Variants in SH3RF3 observed in about 807,000 individuals in gnomAD.
SH3RF3 encodes the protein SH3 domain containing ring finger 3, also known as E3 ubiquitin-protein ligase SH3RF3.
Under a neutral mutation model 66.3 loss-of-function variants are expected in SH3RF3, and 29 were observed. That is an observed-to-expected ratio of 0.44 (90% CI 0.33 to 0.60). The LOEUF (loss-of-function observed/expected upper bound fraction) is 0.60. SH3RF3 is among the 20% of genes least tolerant of loss of function. The probability of loss-of-function intolerance (pLI) is 0.04; values close to 1 mark genes in which losing one functional copy is unlikely to be tolerated. For synonymous variants in SH3RF3, 583 were observed against 532.0 expected (o/e 1.10, Z -1.32); for missense variants, 1,194 against 1,190.9 (o/e 1.00, Z -0.04).
chr2:109,233,635 A>G (rs568168144), intron 1 of SH3RF3, among the ~76,000 whole-genome samples: 13 of 152,244 alleles, frequency 8.5e-5, no homozygotes, highest in African/African-American at 2.9e-4. Flanking sequence ...ACCCTCTTCT[A>G]CCCAGTATTT....
intron 3 of SH3RF3, among the ~76,000 whole-genome samples, chr2:109,381,619 G>A (rs1675674157): frequency 6.6e-6 from 1 of 151,848 alleles, no homozygotes; most frequent in Admixed American, 6.6e-5. Context: ...AGTAAGTTAG[G>A]CTGTGGCTCG....
intron 1 of SH3RF3, among the ~76,000 whole-genome samples, chr2:109,240,250 A>C (rs1679746250): frequency 6.6e-6 from 1 of 152,218 alleles, no homozygotes; most frequent in Non-Finnish European, 1.5e-5. Flanking sequence ...CTATAATTTC[A>C]GCACTTTGGG....
chr2:109,281,913 T>C (rs1680902462), intron 1 of SH3RF3, among the ~76,000 whole-genome samples: 1 of 152,094 alleles, frequency 6.6e-6, no homozygotes, highest in African/African-American at 2.4e-5. Flanking sequence ...GATGGCCATG[T>C]GGCAGGAGCT....
chr2:109,220,501 G>A (rs1309107306), intron 1 of SH3RF3, among the ~76,000 whole-genome samples: 1 of 152,070 alleles, frequency 6.6e-6, no homozygotes, highest in Non-Finnish European at 1.5e-5. Context: ...CCTAAAGAAT[G>A]GGAGAAAATA....
intron 5 of SH3RF3, among the ~76,000 whole-genome samples, chr2:109,420,099 G>A (rs545773938): frequency 2.0e-5 from 3 of 152,368 alleles, no homozygotes; most frequent in African/African-American, 4.8e-5. Flanking sequence ...GCGCATGCCA[G>A]CTGCATCTCA....
intron 1 of SH3RF3, among the ~76,000 whole-genome samples, chr2:109,238,024 G>C (rs57038644): frequency 6.6e-6 from 1 of 151,994 alleles, no homozygotes; most frequent in Non-Finnish European, 1.5e-5. Flanking sequence ...TGGGAAACAT[G>C]ATGAGGCCCC....
At chr2:109,319,397 G>A (rs960287629) in intron 1 of SH3RF3, among the ~76,000 whole-genome samples, 3 of 152,200 alleles carry the variant, frequency 2.0e-5, no homozygotes, top group African/African-American at 7.2e-5. Flanking sequence ...GTGGGGTCCC[G>A]GGGATCACCC....
At chr2:109,277,349 T>C (rs1291999753) in intron 1 of SH3RF3, among the ~76,000 whole-genome samples, 1 of 152,196 alleles carries the variant, frequency 6.6e-6, no homozygotes, top group African/African-American at 2.4e-5. Flanking sequence ...ATTTTCTCAG[T>C]GTCATTTCAT....
At chr2:109,482,540 TG>T (rs1314527615) in intron 8 of SH3RF3, among the ~76,000 whole-genome samples, 1 of 152,168 alleles carries the variant, frequency 6.6e-6, no homozygotes, top group East Asian at 1.9e-4. Flanking sequence ...GTGGTGAACT[TG>T]GCCGGTCATC....
intron 1 of SH3RF3, among the ~76,000 whole-genome samples, chr2:109,336,400 C>T (rs900558711): frequency 6.6e-6 from 1 of 152,216 alleles, no homozygotes; most frequent in South Asian, 2.1e-4. Context: ...GATTGACTCA[C>T]TAGCATGCAA....
intron 1 of SH3RF3, among the ~76,000 whole-genome samples, chr2:109,233,050 C>T (rs1273134039): frequency 6.6e-6 from 1 of 152,150 alleles, no homozygotes. Flanking sequence ...TGAGTGGGTG[C>T]TGGGGCCGGA....
intron 2 of SH3RF3, among the ~76,000 whole-genome samples, chr2:109,348,184 C>T (rs56716085): frequency 0.28 from 42,599 of 152,150 alleles, 6,612 homozygotes; most frequent in East Asian, 0.58. Context: ...AGCTCCAGCC[C>T]AGAGCTACAT....
chr2:109,384,594 G>A (rs1396829854), intron 3 of SH3RF3, among the ~76,000 whole-genome samples: 4 of 152,178 alleles, frequency 2.6e-5, no homozygotes, highest in African/African-American at 9.6e-5. Flanking sequence ...TTTGGGTCTG[G>A]GGTCTCTCTT....
chr2:109,358,086 C>A (rs576439161), intron 2 of SH3RF3, among the ~76,000 whole-genome samples: 1 of 152,308 alleles, frequency 6.6e-6, no homozygotes, highest in Admixed American at 6.5e-5. Flanking sequence ...AACCACTGAC[C>A]TTTGTACTGT....
intron 1 of SH3RF3, among the ~76,000 whole-genome samples, chr2:109,222,886 C>T (rs1352016133): frequency 6.6e-6 from 1 of 152,252 alleles, no homozygotes; most frequent in Non-Finnish European, 1.5e-5. Context: ...CCAAGGTGTC[C>T]GCGTGTATCC....
chr2:109,230,414 T>TA (rs200756506), intron 1 of SH3RF3, among the ~76,000 whole-genome samples: 5,413 of 151,504 alleles, frequency 0.036, 152 homozygotes, highest in East Asian at 0.13. Flanking sequence ...CCATCTTTAC[T>TA]AAAAAAAATG....
At chr2:109,152,701 T>C (rs1422891323) in intron 1 of SH3RF3, among the ~76,000 whole-genome samples, 1 of 152,224 alleles carries the variant, frequency 6.6e-6, no homozygotes, top group Admixed American at 6.5e-5. Flanking sequence ...CAGCTCATCA[T>C]TGGAAATTCA....
intron 1 of SH3RF3, among the ~76,000 whole-genome samples, chr2:109,318,620 T>C (rs538316794): frequency 2.6e-5 from 4 of 152,296 alleles, no homozygotes; most frequent in East Asian, 1.9e-4. Flanking sequence ...ATGCTCACAC[T>C]GGGGGCAGCA....
chr2:109,185,811 G>A (rs1244946353), intron 1 of SH3RF3, among the ~76,000 whole-genome samples: 1 of 152,240 alleles, frequency 6.6e-6, no homozygotes, highest in Non-Finnish European at 1.5e-5. Flanking sequence ...TTAATCTTCT[G>A]TGGCACTGTA....
Sources: gnomAD v4.1 joint callset for allele counts (sites outside exome capture counted in the v4.1 genomes callset) on GRCh38, gnomAD v4.1.1 for gene constraint, MANE v1.5 for transcripts, NCBI Gene and HGNC (gene_info 2026-07-23, HGNC 2026-07-21) for gene names.